Variants in MCF2L2 observed in about 807,000 individuals in gnomAD.
The protein encoded by MCF2L2 is MCF.2 cell line derived transforming sequence-like 2.
A neutral mutation model predicts 150.2 loss-of-function variants in MCF2L2; 102 were observed. The observed-to-expected ratio is 0.68, with a 90% CI of 0.58 to 0.80. The LOEUF (loss-of-function observed/expected upper bound fraction) is 0.80, where lower values mean the gene tolerates loss of function less well. Ranked by LOEUF, MCF2L2 falls within the 30% of genes least tolerant of loss-of-function variation. The probability of loss-of-function intolerance (pLI) is 0.00; values close to 1 mark genes in which losing one functional copy is unlikely to be tolerated. For synonymous variants in MCF2L2, 465 were observed against 491.3 expected (o/e 0.95, Z 0.71); for missense variants, 1,256 against 1,372.8 (o/e 0.91, Z 1.34).
chr3:183,255,087 T>A, intron 15 of MCF2L2, among the ~76,000 whole-genome samples: 1 of 152,236 alleles, frequency 6.6e-6, no homozygotes, highest in East Asian at 1.9e-4. Flanking sequence ...ATGGTAATTA[T>A]CTGATGAAAG....
In MCF2L2 at chr3:183,228,378, A is replaced by G. The variant is rs1471084296; in HGVS notation, c.2046-12T>C. ...CTTTTAGAAAAGTCCTAGAAAAATA[A>G]AAGTATACAAGTAATAATGTTTTGA... On this transcript the variant is annotated splice_polypyrimidine_tract_variant and intron_variant, in intron 17 of 29. Coordinates refer to ENST00000328913, the MANE Select transcript of MCF2L2 (RefSeq NM_015078.4). The G allele has an allele frequency of 3.6e-5, 57 of 1,574,600 alleles. No homozygotes were observed. The highest frequency in any genetic ancestry group is 4.9e-5 in the Non-Finnish European group (56 of 1,145,132).
At chr3:183,392,890 CTT>C (rs763921130) in intron 1 of MCF2L2, among the ~76,000 whole-genome samples, 5 of 152,222 alleles carry the variant, frequency 3.3e-5, no homozygotes, top group Non-Finnish European at 5.9e-5. Context: ...TACAAGAAGT[CTT>C]TGGTTCTGAA....
chr3:183,229,105 C>G (rs1319563387), intron 17 of MCF2L2, among the ~76,000 whole-genome samples: 1 of 152,142 alleles, frequency 6.6e-6, no homozygotes, highest in African/African-American at 2.4e-5. Flanking sequence ...TTGGGGTCAT[C>G]ATAGCGAATA....
intron 14 of MCF2L2, among the ~76,000 whole-genome samples, chr3:183,277,453 C>A (rs1465203358): frequency 6.6e-6 from 1 of 151,012 alleles, no homozygotes; most frequent in Non-Finnish European, 1.5e-5. Flanking sequence ...CTGCATTCAA[C>A]ATCTCCTTTT....
At chr3:183,272,856 A>C in intron 15 of MCF2L2, 3 of 1,262,800 alleles carry the variant, frequency 2.4e-6, no homozygotes, top group Non-Finnish European at 3.0e-6. Flanking sequence ...CTGGCCATCA[A>C]AGTGATCTTG....
At chr3:183,257,946 C>CTCCACT (rs1255131728) in intron 15 of MCF2L2, among the ~76,000 whole-genome samples, 1 of 147,854 alleles carries the variant, frequency 6.8e-6, no homozygotes, top group Non-Finnish European at 1.5e-5. Flanking sequence ...TCCTTGCTCC[C>CTCCACT]TCCACTTCAC....
chr3:183,198,168 C>T (rs1348913898), intron 25 of MCF2L2, among the ~76,000 whole-genome samples: 2 of 152,130 alleles, frequency 1.3e-5, no homozygotes, highest in African/African-American at 4.8e-5. Flanking sequence ...AGCCCCAAAG[C>T]AGAAACAAAT....
intron 17 of MCF2L2, 137 bp from the exon 18 acceptor site, chr3:183,228,503 C>T: frequency 5.9e-6 from 3 of 511,510 alleles, no homozygotes; most frequent in Non-Finnish European, 1.0e-5. Flanking sequence ...TTATCTTCTA[C>T]ACATTGATTC....
intron 10 of MCF2L2, among the ~76,000 whole-genome samples, chr3:183,302,168 A>C (rs1258290176): frequency 6.6e-6 from 1 of 152,160 alleles, no homozygotes; most frequent in Non-Finnish European, 1.5e-5. Flanking sequence ...CTCCCACAGG[A>C]GAGGATTCTA....
rs942117682 is a variant in MCF2L2, at chr3:183,269,642, T to TA, written c.1862+7229dup. The stretch of plus-strand genomic sequence containing the variant: ...TTCCGCAATCTCAGAAAAATGGGAC[T>TA]AAAAGAAACTATTTTGTAAAATAAG... On this transcript the variant is annotated intron_variant, in intron 15 of 29. Coordinates refer to ENST00000328913, the MANE Select transcript of MCF2L2 (RefSeq NM_015078.4). 5 of 665,150 alleles carry TA rather than the reference T, an allele frequency of 7.5e-6. No homozygotes were observed. In the African/African-American group the frequency reaches 9.4e-5, roughly 12 times the overall value. 41.2% of individuals were successfully genotyped at this position (665,150 alleles called of 1,614,324 possible).
intron 3 of MCF2L2, among the ~76,000 whole-genome samples, chr3:183,353,909 C>T (rs1711613423): frequency 1.3e-5 from 2 of 152,116 alleles, no homozygotes; most frequent in Admixed American, 1.3e-4. Context: ...AGATTCCATC[C>T]TCTCACCACA....
rs1362164685 is a variant in MCF2L2, at chr3:183,181,460, G to T, written c.3017-1301C>A. Among the ~76,000 whole-genome samples the T allele has an allele frequency of 6.6e-6, 1 of 152,104 alleles. No homozygotes were observed. The highest frequency in any genetic ancestry group is 1.5e-5 in the Non-Finnish European group (1 of 68,000). Reference sequence around the variant, plus strand: ...GAGTTCCTAGTCCCAGGAGGTGGGAGGGGCAAGGGGTGGAGGGCAGAGGAG... The same window carrying T: ...GAGTTCCTAGTCCCAGGAGGTGGGATGGGCAAGGGGTGGAGGGCAGAGGAG... On this transcript the variant is annotated intron_variant, in intron 27 of 29. Coordinates refer to ENST00000328913, the MANE Select transcript of MCF2L2 (RefSeq NM_015078.4). The surrounding 1 kb of genome is among the most constrained non-coding windows in gnomAD (Gnocchi z 4.3).
At chr3:183,306,830 A>C (rs1729122646) in intron 10 of MCF2L2, among the ~76,000 whole-genome samples, 1 of 152,218 alleles carries the variant, frequency 6.6e-6, no homozygotes. Flanking sequence ...TCTTAGACAC[A>C]GCACCCTTAT....
chr3:183,313,921 A>G (rs981299308), intron 7 of MCF2L2, among the ~76,000 whole-genome samples: 1 of 152,158 alleles, frequency 6.6e-6, no homozygotes, highest in Non-Finnish European at 1.5e-5. Context: ...CTGGCAGACG[A>G]GGTGGAGGTG....
chr3:183,217,294 CAAAAAAAAAAAAAA>C (rs35973262), intron 21 of MCF2L2, among the ~76,000 whole-genome samples: 1 of 15,204 alleles, frequency 6.6e-5, no homozygotes, highest in East Asian at 2.5e-3. Flanking sequence ...AACCCCGTCT[CAAAAAAAAAAAAAA>C]AAAAAAAAAA....
At chr3:183,411,373 T>C (rs532621627) in intron 1 of MCF2L2, among the ~76,000 whole-genome samples, 1 of 152,260 alleles carries the variant, frequency 6.6e-6, no homozygotes, top group Admixed American at 6.5e-5. Flanking sequence ...GCACTTACAC[T>C]CATTTGGGAA....
In MCF2L2 at chr3:183,179,666, G is replaced by A. The variant is rs1721447328; in HGVS notation, c.3132C>T (p.Asp1044=). 1.9e-6 allele frequency: 3 copies of A among 1,614,104 alleles called. No individual in the cohort carries two copies. In the African/African-American group the frequency reaches 4.0e-5, roughly 22 times the overall value. The part of the protein sequence containing the change: ...LSLAGLFQSD[D]SHETCSSKSA... The stretch of plus-strand genomic sequence containing the variant: ...ATTTGGAGGAACAGGTTTCGTGACT[G>A]TCGTCCGACTGGAAAAGGCCCGCGA... The change falls in exon 29 of 30, where the codon GAC becomes GAT. Residue 1044 remains aspartate (D), a synonymous_variant. Transcript: ENST00000328913. This position sits in a 1 kb window ranked among gnomAD's most constrained non-coding sequence, Gnocchi z 4.2.
chr3:183,191,904 G>A (rs1356424741), intron 27 of MCF2L2, among the ~76,000 whole-genome samples: 11 of 149,866 alleles, frequency 7.3e-5, no homozygotes, highest in South Asian at 2.1e-4. Context: ...GCAGTGGCGT[G>A]ATCTCGGCTC....
At chr3:183,228,047 A>ACACACACACACACACACACACAC in intron 18 of MCF2L2, 5 of 458,418 alleles carry the variant, frequency 1.1e-5, no homozygotes, top group South Asian at 8.5e-5. Context: ...ACACACACAC[A>ACACACACACACACACACACACAC]ATGGTAATGA....
Sources: gnomAD v4.1 joint callset for allele counts (sites outside exome capture counted in the v4.1 genomes callset) on GRCh38, gnomAD v4.1.1 for gene constraint, Gnocchi (gnomAD v3.1) non-coding constraint, MANE v1.5 for transcripts, NCBI Gene and HGNC (gene_info 2026-07-23, HGNC 2026-07-21) for gene names.